Variants in BRD10 observed in about 807,000 individuals in gnomAD.
BRD10 encodes uncharacterized bromodomain-containing protein 10.
the BRD10 span, among the ~76,000 whole-genome samples, chr9:5,933,160 C>A: frequency 1.9e-4 from 29 of 152,198 alleles, no homozygotes; most frequent in Middle Eastern, 3.4e-3. Flanking sequence ...ATTTAATAAG[C>A]TTTATGCATC....
At chr9:5,977,935 A>G in the BRD10 span, among the ~76,000 whole-genome samples, 8 of 152,366 alleles carry the variant, frequency 5.3e-5, no homozygotes, top group Non-Finnish European at 1.0e-4. Context: ...ATCCAAAAGT[A>G]CAGTACTAAA....
the BRD10 span, among the ~76,000 whole-genome samples, chr9:5,881,186 T>C: frequency 1.3e-5 from 2 of 152,150 alleles, no homozygotes; most frequent in African/African-American, 4.8e-5. Flanking sequence ...CCGGGTATTT[T>C]TGGGTATCAG....
chr9:5,884,245 C>T, the BRD10 span, among the ~76,000 whole-genome samples: 1 of 152,208 alleles, frequency 6.6e-6, no homozygotes, highest in African/African-American at 2.4e-5. Flanking sequence ...CTTCATGACA[C>T]GGGAAAATAG....
At chr9:5,909,403 C>T in the BRD10 span, 1,656 of 152,444 alleles carry the variant, frequency 0.011, 12 homozygotes, top group Middle Eastern at 0.02. Flanking sequence ...GGATTACAGG[C>T]GTGCGCCACT....
chr9:5,988,515 A>T, the BRD10 span: 7 of 1,613,900 alleles, frequency 4.3e-6, no homozygotes, highest in Non-Finnish European at 5.9e-6. Context: ...CTCTAGATGT[A>T]ACTGCTATCG....
chr9:5,945,312 T>C, the BRD10 span, among the ~76,000 whole-genome samples: 6,802 of 152,190 alleles, frequency 0.045, 419 homozygotes, highest in South Asian at 0.13. Context: ...TCAAATCACC[T>C]TTAAGAAATG....
At chr9:6,002,684 G>A in the BRD10 span, among the ~76,000 whole-genome samples, 1 of 147,880 alleles carries the variant, frequency 6.8e-6, no homozygotes, top group African/African-American at 2.5e-5. Flanking sequence ...TGAGGATGCT[G>A]TACTTTTTTT....
the BRD10 span, among the ~76,000 whole-genome samples, chr9:5,984,222 T>C: frequency 1.3e-5 from 2 of 152,306 alleles, no homozygotes; most frequent in Admixed American, 6.5e-5. Flanking sequence ...ATACTTCTTT[T>C]CATTCTTTGA....
chr9:5,984,480 G>C, the BRD10 span, among the ~76,000 whole-genome samples: 1 of 152,076 alleles, frequency 6.6e-6, no homozygotes, highest in South Asian at 2.1e-4. Flanking sequence ...GCCAACACTG[G>C]AGATAAAATG....
chr9:5,996,211 T>A, the BRD10 span, among the ~76,000 whole-genome samples: 1 of 152,126 alleles, frequency 6.6e-6, no homozygotes, highest in African/African-American at 2.4e-5. Flanking sequence ...AGGAGAAGAA[T>A]ACAAACAAAA....
At chr9:5,944,170 T>C in the BRD10 span, among the ~76,000 whole-genome samples, 1 of 152,184 alleles carries the variant, frequency 6.6e-6, no homozygotes, top group South Asian at 2.1e-4. Flanking sequence ...TTCCCATTTA[T>C]TTACTGGTAT....
chr9:5,948,288 G>A, the BRD10 span, among the ~76,000 whole-genome samples: 16 of 152,068 alleles, frequency 1.1e-4, no homozygotes, highest in Non-Finnish European at 1.8e-4. Context: ...ACAGAACCCA[G>A]GACTTCTCCT....
At chr9:5,897,877 T>C in the BRD10 span, among the ~76,000 whole-genome samples, 1 of 152,242 alleles carries the variant, frequency 6.6e-6, no homozygotes, top group Non-Finnish European at 1.5e-5. Context: ...TAGTCTGTGA[T>C]TATAACATAA....
At chr9:5,978,392 TAA>T in the BRD10 span, among the ~76,000 whole-genome samples, 182 of 84,424 alleles carry the variant, frequency 2.2e-3, no homozygotes, top group African/African-American at 7.1e-3. Flanking sequence ...TGCAATTTAG[TAA>T]AAAAAAAAAA....
the BRD10 span, among the ~76,000 whole-genome samples, chr9:5,955,054 C>T: frequency 1.3e-5 from 2 of 151,918 alleles, no homozygotes; most frequent in Non-Finnish European, 2.9e-5. Context: ...CACCATTGTT[C>T]TCCAGCCTGG....
At chr9:5,919,543 AACACACACACACAC>A in the BRD10 span, 13 of 396,886 alleles carry the variant, frequency 3.3e-5, no homozygotes, top group East Asian at 8.4e-5. Context: ...GATACATTAA[AACACACACACACAC>A]ACACACACAC....
the BRD10 span, among the ~76,000 whole-genome samples, chr9:5,951,960 T>C: frequency 6.6e-6 from 1 of 152,108 alleles, no homozygotes; most frequent in African/African-American, 2.4e-5. Flanking sequence ...TCCCTCTCTG[T>C]TTTCTCTCCC....
the BRD10 span, among the ~76,000 whole-genome samples, chr9:5,890,598 A>G: frequency 1.3e-5 from 2 of 152,306 alleles, no homozygotes; most frequent in East Asian, 1.9e-4. Context: ...CGGACCATGA[A>G]TTTTAAATCA....
At chr9:5,948,425 A>G in the BRD10 span, among the ~76,000 whole-genome samples, 1 of 152,102 alleles carries the variant, frequency 6.6e-6, no homozygotes, top group Admixed American at 6.6e-5. Flanking sequence ...TTAAATGGTA[A>G]TATTAAAAGG....
Sources: gnomAD v4.1 joint callset for allele counts (sites outside exome capture counted in the v4.1 genomes callset) on GRCh38, gnomAD v4.1.1 for gene constraint, MANE v1.5 for transcripts, NCBI Gene and HGNC (gene_info 2026-07-23, HGNC 2026-07-21) for gene names.